The following OTUD7A variants were observed in gnomAD, a reference collection of about 807,000 sequenced individuals.
The protein encoded by OTUD7A is OTU deubiquitinase 7A.
OTUD7A carries 12 observed loss-of-function variants against 65.7 expected under a neutral mutation model. The observed-to-expected ratio is 0.18, with a 90% CI of 0.12 to 0.30. The LOEUF is 0.30. Ranked by LOEUF, OTUD7A falls within the 10% of genes least tolerant of loss-of-function variation. OTUD7A has a pLI of 1.00. For missense variants in OTUD7A, 1,148 were observed against 1,304.8 expected (o/e 0.88, Z 1.85); for synonymous variants, 641 against 586.3 (o/e 1.09, Z -1.35).
rs777709030 is a variant in OTUD7A at position 31,483,558 on chromosome 15, CCCCGCCGCG to C, written c.2529_2537del (p.Ala844_Gly846del). On this transcript the variant is annotated inframe_deletion, in exon 13 of 13. Coordinates refer to ENST00000307050, the MANE Select transcript of OTUD7A (RefSeq NM_001382637.1). ...ACTTGTGCTCGGCCGCCCCCGCCGT[CCCCGCCGCG>C]CCCGGTAGGGCCCCGGGCACCGCGC... 1.4e-4 allele frequency: 183 copies of C among 1,306,272 alleles called. No homozygotes were observed. Among genetic ancestry groups the C allele is most frequent in the Admixed American group, 4.2e-4 (12 of 28,348 alleles). The allele number at this position is 1,306,272 out of a possible 1,614,324, so 80.9% of individuals were successfully genotyped here.
chr15:31,625,503 T>A (rs1890925129), intron 3 of OTUD7A, among the ~76,000 whole-genome samples: 2 of 151,320 alleles, frequency 1.3e-5, no homozygotes, highest in South Asian at 4.2e-4. Flanking sequence ...ACATCAAAGA[T>A]GATGGAGCAA....
At chr15:31,524,795 C>T (rs943696160) in intron 8 of OTUD7A, among the ~76,000 whole-genome samples, 1 of 152,156 alleles carries the variant, frequency 6.6e-6, no homozygotes, top group African/African-American at 2.4e-5. Context: ...CCTAAAGGGA[C>T]CTAATCCTTT....
At chr15:31,739,259 A>G (rs778269832) in intron 1 of OTUD7A, among the ~76,000 whole-genome samples, 15 of 152,098 alleles carry the variant, frequency 9.9e-5, no homozygotes, top group Non-Finnish European at 1.9e-4. Context: ...AATGAATGCA[A>G]TTTGAGGTTC....
intron 3 of OTUD7A, among the ~76,000 whole-genome samples, chr15:31,619,026 T>C (rs1311982988): frequency 2.6e-5 from 4 of 152,238 alleles, no homozygotes; most frequent in Admixed American, 6.5e-5. Context: ...ATTTGTTAAA[T>C]AGGGAATCCT....
intron 1 of OTUD7A, among the ~76,000 whole-genome samples, chr15:31,761,243 A>T (rs1444799598): frequency 6.6e-6 from 1 of 152,158 alleles, no homozygotes; most frequent in African/African-American, 2.4e-5. Context: ...AGAATATGGA[A>T]AGGCAACCTA....
chr15:31,550,515 G>A (rs1248755180), intron 5 of OTUD7A, among the ~76,000 whole-genome samples: 2 of 152,162 alleles, frequency 1.3e-5, no homozygotes, highest in Non-Finnish European at 2.9e-5. Context: ...CAAGAAAATG[G>A]AACCTCAGTC....
intron 1 of OTUD7A, among the ~76,000 whole-genome samples, chr15:31,684,779 CT>C (rs1892798080): frequency 6.7e-6 from 1 of 148,736 alleles, no homozygotes; most frequent in Admixed American, 6.8e-5. Flanking sequence ...TCTGTCACTT[CT>C]GCTGTATTTT....
chr15:31,573,744 TAC>T lies in OTUD7A; in HGVS notation c.152-3549_152-3548del, dbSNP rs1331771833. Among the ~76,000 whole-genome samples the T allele has an allele frequency of 5.9e-5, 9 of 152,154 alleles. No homozygotes were observed. In the South Asian group the frequency reaches 1.0e-3, roughly 18 times the overall value. ...GGCGAAACCCTGTCTCTACCAAAAA[TAC>T]AAAAATTACCTGGACATGGTGGGAC... On this transcript the variant is annotated intron_variant, in intron 3 of 12. Coordinates refer to ENST00000307050, the MANE Select transcript of OTUD7A (RefSeq NM_001382637.1).
At position 31,725,276 on chromosome 15, in the gene OTUD7A, G is replaced by T. The variant is rs188036262; in HGVS notation, c.-99-68199C>A. On this transcript the variant is annotated intron_variant, in intron 1 of 12. Transcript: ENST00000307050. ...GGGACCTCACAGCCTCTGCCCAGTG[G>T]AATTTCAGGGTTTCTATGGCCATTG... 5.4e-4 allele frequency among the ~76,000 whole-genome samples: 83 copies of T among 152,302 alleles called. 1 individual carries two copies. Among genetic ancestry groups the T allele is most frequent in the African/African-American group, 1.8e-3 (73 of 41,564 alleles).
Position 31,487,669 on chromosome 15 carries a change from T to C in OTUD7A, c.1172-103A>G. 2.6e-6 allele frequency: 2 copies of C among 756,012 alleles called. No individual in the cohort carries two copies. The highest frequency in any genetic ancestry group is 4.1e-6 in the Non-Finnish European group (2 of 488,142). The allele number at this position is 756,012 out of a possible 1,614,324, so 46.8% of individuals were successfully genotyped here. On this transcript the variant is annotated intron_variant, in intron 10 of 12. Coordinates refer to ENST00000307050, the MANE Select transcript of OTUD7A (RefSeq NM_001382637.1). This position sits in a 1 kb window ranked among gnomAD's most constrained non-coding sequence, Gnocchi z 6.0. ...GTATCTGGGTGACAAATGCACCGAG[T>C]GGACATCTACACAGATCTGTGCCAG...
chr15:31,623,871 T>C (rs8024958), intron 3 of OTUD7A, among the ~76,000 whole-genome samples: 27,059 of 152,198 alleles, frequency 0.18, 2,625 homozygotes, highest in East Asian at 0.25. Context: ...CTGGGAGCTG[T>C]AGACTGGAGC....
chr15:31,732,482 A>G (rs1332757101), intron 1 of OTUD7A, among the ~76,000 whole-genome samples: 1 of 152,252 alleles, frequency 6.6e-6, no homozygotes, highest in Non-Finnish European at 1.5e-5. Context: ...ACTACAGCTT[A>G]ACAGGCTATT....
chr15:31,513,004 G>A (rs1314651130), intron 8 of OTUD7A, among the ~76,000 whole-genome samples: 1 of 152,200 alleles, frequency 6.6e-6, no homozygotes, highest in Non-Finnish European at 1.5e-5. Flanking sequence ...AAGTAGCTGG[G>A]ATTACAGGCA....
chr15:31,525,558 T>C (rs2041999331), intron 8 of OTUD7A, among the ~76,000 whole-genome samples: 1 of 152,252 alleles, frequency 6.6e-6, no homozygotes, highest in Non-Finnish European at 1.5e-5. Flanking sequence ...CCCATGAGCC[T>C]GAGGGCAGCC....
At chr15:31,535,670 TTTTG>T (rs1184327883) in intron 5 of OTUD7A, among the ~76,000 whole-genome samples, 7 of 138,362 alleles carry the variant, frequency 5.1e-5, no homozygotes, top group Admixed American at 7.0e-5. Context: ...TGGGTTCTGT[TTTTG>T]TTTTTTTTTT....
chr15:31,683,653 C>T (rs559185287), intron 1 of OTUD7A, among the ~76,000 whole-genome samples: 4 of 151,954 alleles, frequency 2.6e-5, no homozygotes, highest in East Asian at 3.8e-4. Context: ...TATACACCCA[C>T]AGAAATAAAA....
chr15:31,680,489 C>T (rs959367832), intron 1 of OTUD7A, among the ~76,000 whole-genome samples: 17 of 152,098 alleles, frequency 1.1e-4, no homozygotes, highest in African/African-American at 2.9e-4. Context: ...TGTGTTATAG[C>T]GTGATTAAAC....
At chr15:31,529,702 G>A (rs191490484) in intron 6 of OTUD7A, among the ~76,000 whole-genome samples, 5 of 152,282 alleles carry the variant, frequency 3.3e-5, no homozygotes, top group African/African-American at 2.4e-5. Context: ...GCCCTTTACA[G>A]TCTTATCTCA....
chr15:31,843,348 A>C (rs934010671), intron 1 of OTUD7A, among the ~76,000 whole-genome samples: 1 of 151,766 alleles, frequency 6.6e-6, no homozygotes, highest in Non-Finnish European at 1.5e-5. Context: ...AAAAAAAAAA[A>C]ACCCCAACCA....
Sources: allele counts gnomAD v4.1 joint callset (sites outside exome capture counted in the v4.1 genomes callset), GRCh38; gene constraint gnomAD v4.1.1; non-coding constraint Gnocchi (gnomAD v3.1); transcripts MANE v1.5; gene names NCBI Gene and HGNC (gene_info 2026-07-23, HGNC 2026-07-21).